Variants in TSGA10 observed in about 807,000 individuals in gnomAD.
TSGA10 encodes testis-specific gene 10 protein.
TSGA10 carries 43 observed loss-of-function variants against 96.6 expected under a neutral mutation model. The observed-to-expected ratio is 0.44, with a 90% CI of 0.35 to 0.57. The LOEUF (loss-of-function observed/expected upper bound fraction) is 0.57. Among genes scored for constraint, TSGA10 ranks in the 20% least tolerant of loss-of-function variants. The pLI is 0.01. For missense variants in TSGA10, 703 were observed against 834.4 expected, an observed-to-expected ratio of 0.84 and a Z score of 1.94; for synonymous variants, 229 against 269.9, an observed-to-expected ratio of 0.85 and a Z score of 1.48.
intron 10 of TSGA10, among the ~76,000 whole-genome samples, chr2:99,100,317 G>T (rs1406242124): frequency 1.3e-5 from 2 of 151,890 alleles, no homozygotes; most frequent in African/African-American, 4.8e-5. Context: ...GTTTTGTAAT[G>T]GTACAAGAAC....
At chr2:99,070,044 G>C (rs1047471832) in intron 14 of TSGA10, among the ~76,000 whole-genome samples, 1 of 152,082 alleles carries the variant, frequency 6.6e-6, no homozygotes, top group Non-Finnish European at 1.5e-5. Context: ...GGTCCACAGA[G>C]AGAGACCTCT....
intron 10 of TSGA10, among the ~76,000 whole-genome samples, chr2:99,089,242 C>T (rs1318331005): frequency 2.0e-5 from 3 of 152,176 alleles, no homozygotes; most frequent in Non-Finnish European, 4.4e-5. Context: ...GCGGGAAGAG[C>T]CCTGTGGGCT....
intron 7 of TSGA10, among the ~76,000 whole-genome samples, chr2:99,106,593 G>A (rs1046833001): frequency 1.6e-4 from 24 of 151,476 alleles, no homozygotes; most frequent in African/African-American, 5.8e-4. Flanking sequence ...ATTGCCAATG[G>A]TTCCTTACCA....
chr2:99,139,313 A>C (rs1237143542), intron 1 of TSGA10, among the ~76,000 whole-genome samples: 2 of 152,180 alleles, frequency 1.3e-5, no homozygotes. Context: ...GTCTGGTTGA[A>C]TTTTAATTTT....
intron 20 of TSGA10, among the ~76,000 whole-genome samples, chr2:99,017,480 A>C (rs2079608881): frequency 6.6e-6 from 1 of 152,174 alleles, no homozygotes; most frequent in South Asian, 2.1e-4. Context: ...AGAATGATAC[A>C]TTGGGCCGGG....
At chr2:99,030,445 C>T (rs113858695) in intron 17 of TSGA10, among the ~76,000 whole-genome samples, 25 of 152,188 alleles carry the variant, frequency 1.6e-4, no homozygotes, top group African/African-American at 5.3e-4. Flanking sequence ...GCCAGAAGTT[C>T]GAGACCAGCC....
intron 12 of TSGA10, among the ~76,000 whole-genome samples, chr2:99,077,441 A>C (rs2086848317): frequency 6.6e-6 from 1 of 152,228 alleles, no homozygotes; most frequent in African/African-American, 2.4e-5. Flanking sequence ...CCCTTATTCC[A>C]ATGATGCTGC....
intron 11 of TSGA10, 104 bp downstream of exon 11, chr2:99,081,178 G>C: frequency 1.9e-6 from 1 of 523,544 alleles, no homozygotes; most frequent in Non-Finnish European, 3.3e-6. Flanking sequence ...CTTAGTTAAG[G>C]GCTTGTTTCC....
intron 1 of TSGA10, chr2:99,141,846 CA>C (rs2093566348): frequency 6.6e-6 from 1 of 152,450 alleles, no homozygotes; most frequent in Admixed American, 6.5e-5. Flanking sequence ...CTTTCGGGCG[CA>C]GCTCCTGCTG....
At chr2:99,106,571 T>C (rs1187274458) in intron 7 of TSGA10, among the ~76,000 whole-genome samples, 1 of 151,782 alleles carries the variant, frequency 6.6e-6, no homozygotes, top group East Asian at 1.9e-4. Flanking sequence ...AAAAGTCCCA[T>C]GGTCTATAAC....
chr2:99,054,515 T>A (rs2083763887), intron 16 of TSGA10, among the ~76,000 whole-genome samples: 1 of 151,918 alleles, frequency 6.6e-6, no homozygotes, highest in Admixed American at 6.6e-5. Flanking sequence ...AATAGAGAAA[T>A]GGGGTTGGAT....
At chr2:99,050,192 T>C (rs192832218) in intron 16 of TSGA10, among the ~76,000 whole-genome samples, 1 of 152,230 alleles carries the variant, frequency 6.6e-6, no homozygotes, top group East Asian at 1.9e-4. Context: ...CAAAAATCTA[T>C]AAATATATAG....
intron 9 of TSGA10, 133 bp from the exon 10 acceptor site, chr2:99,104,251 C>A: frequency 1.0e-6 from 1 of 974,288 alleles, no homozygotes; most frequent in South Asian, 1.8e-5. Context: ...TTAGACCTGA[C>A]TGCTGTAGAA....
intron 17 of TSGA10, among the ~76,000 whole-genome samples, chr2:99,022,276 G>T (rs1180950415): frequency 8.0e-6 from 1 of 124,486 alleles, no homozygotes; most frequent in African/African-American, 3.1e-5. Flanking sequence ...AGTGAGCCAA[G>T]ATGGCACCAC....
intron 17 of TSGA10, 71 bp from the exon 18 acceptor site, chr2:99,020,553 C>G (rs2079905042): frequency 1.7e-6 from 2 of 1,194,570 alleles, no homozygotes; most frequent in Admixed American, 4.8e-5. Flanking sequence ...ATCAGGGACT[C>G]ACAAAATTTT....
At chr2:99,028,844 G>A (rs997491982) in intron 17 of TSGA10, among the ~76,000 whole-genome samples, 1 of 152,094 alleles carries the variant, frequency 6.6e-6, no homozygotes, top group African/African-American at 2.4e-5. Flanking sequence ...TTGAAAGCTC[G>A]TTGGCTGTAT....
chr2:99,076,839 CTGACTACTATCTAGTCATTCAG>C (rs1206301890), intron 12 of TSGA10, among the ~76,000 whole-genome samples: 6 of 152,084 alleles, frequency 3.9e-5, no homozygotes, highest in Admixed American at 2.6e-4. Context: ...AGTCATTCTC[CTGACTACTATCTAGTCATTCAG>C]TGACTACTAT....
intron 16 of TSGA10, among the ~76,000 whole-genome samples, chr2:99,048,113 GA>G (rs1267259272): frequency 2.0e-5 from 3 of 152,116 alleles, no homozygotes; most frequent in Non-Finnish European, 4.4e-5. Flanking sequence ...TCATGGATAG[GA>G]AGAATCAATA....
intron 20 of TSGA10, among the ~76,000 whole-genome samples, chr2:99,010,409 T>C (rs1256321773): frequency 6.6e-6 from 1 of 152,224 alleles, no homozygotes; most frequent in Non-Finnish European, 1.5e-5. Context: ...GGTGAAAAAC[T>C]GTGAGTTCCC....
Sources: gnomAD v4.1 joint callset for allele counts (sites outside exome capture counted in the v4.1 genomes callset) on GRCh38, gnomAD v4.1.1 for gene constraint, MANE v1.5 for transcripts, NCBI Gene and HGNC (gene_info 2026-07-23, HGNC 2026-07-21) for gene names.